The following IL32 variants were observed in gnomAD, a reference collection of about 807,000 sequenced individuals.
IL32 encodes interleukin 32, also known as interleukin-32.
A neutral mutation model predicts 16.6 loss-of-function variants in IL32; 30 were observed. The ratio of observed to expected loss-of-function variants is 1.81; its 90% CI spans 1.35 to 2.45. The LOEUF (loss-of-function observed/expected upper bound fraction) is 2.45. Ranked by LOEUF, IL32 falls within the 30% of genes most tolerant of loss-of-function variation. The probability of loss-of-function intolerance (pLI) is 0.00; values close to 1 mark genes in which losing one functional copy is unlikely to be tolerated. For missense variants in IL32, 234 were observed against 229.8 expected (o/e 1.02, Z -0.12); for synonymous variants, 70 against 86.1 (o/e 0.81, Z 1.03).
Position 3,067,544 on chromosome 16 carries a change from C to G in IL32, c.55-10C>G. 1.2e-6 allele frequency: 2 copies of G among 1,614,088 alleles called. No homozygotes were observed. Among genetic ancestry groups the G allele is most frequent in the Non-Finnish European group, 1.7e-6 (2 of 1,180,002 alleles). On this transcript the variant is annotated splice_polypyrimidine_tract_variant and intron_variant, in intron 3 of 6. Coordinates refer to ENST00000525643, the MANE Select transcript of IL32 (RefSeq NM_001376923.1). Reference sequence around the variant, plus strand: ...CGGCCCTTTGGTGCCAACTCTGCCTCTCTTCACAGCACCAGGCCATAGAAA... The same window carrying G: ...CGGCCCTTTGGTGCCAACTCTGCCTGTCTTCACAGCACCAGGCCATAGAAA...
In IL32 at chr16:3,065,792, T is replaced by C; in HGVS notation, c.-20T>C. 6.2e-7 allele frequency: 1 copy of C among 1,614,144 alleles called. No homozygotes were observed. Among genetic ancestry groups the C allele is most frequent in the Non-Finnish European group, 8.5e-7 (1 of 1,180,004 alleles). On this transcript the variant is annotated 5_prime_UTR_variant, in exon 2 of 7. Transcript: ENST00000525643. ...CTGTTCCTCGCCAGCAGGCCTTGGCTCCTTGAACTTTTGGCCGCCATGTGC... is the reference window on the plus strand; with the variant it reads ...CTGTTCCTCGCCAGCAGGCCTTGGCCCCTTGAACTTTTGGCCGCCATGTGC...
rs374074230 is a variant in IL32, at chr16:3,069,382, C to T, written c.*27C>T. On this transcript the variant is annotated 3_prime_UTR_variant, in exon 7 of 7. Transcript: ENST00000525643. ...GATACTGACACCACCTTTGCCCTCC[C>T]CGTCACCGCGCACCCACCCTGACCC... 7 of 1,561,192 alleles carry T rather than the reference C, an allele frequency of 4.5e-6. No individual in the cohort carries two copies. In the East Asian group the frequency reaches 1.1e-4, roughly 25 times the overall value.
At chr16:3,065,565 C>A (rs1335957884), upstream of IL32, 2 of 608,050 alleles carry the variant, frequency 3.3e-6, no homozygotes, top group Non-Finnish European at 5.9e-6. Flanking sequence ...CTCAGCAAGG[C>A]CTCCTGCCCT....
At chr16:3,065,977 A>T in intron 2 of IL32, 151 bp downstream of exon 2, 1 of 949,886 alleles carries the variant, frequency 1.1e-6, no homozygotes, top group South Asian at 1.3e-5. Context: ...TGAGAGTGTC[A>T]GTGGAGGCGC....
intron 2 of IL32, among the ~76,000 whole-genome samples, chr16:3,066,253 G>T (rs1397051873): frequency 1.3e-5 from 2 of 152,106 alleles, no homozygotes; most frequent in Admixed American, 6.5e-5. Flanking sequence ...CACCGCAAAT[G>T]CTAGGCCCAC....
Position 3,068,177 on chromosome 16 carries a change from C to T in IL32, c.142-3C>T, listed in dbSNP as rs1273706565. 1.9e-6 allele frequency: 3 copies of T among 1,603,928 alleles called. No homozygotes were observed. Among genetic ancestry groups the T allele is most frequent in the African/African-American group, 1.3e-5 (1 of 74,708 alleles). ...TGAACCCCCTGTGCCCTCCTCTCCC[C>T]AGGACGACTTCAAAGAGGGCTACCT... On this transcript the variant is annotated splice_polypyrimidine_tract_variant and splice_region_variant and intron_variant, in intron 5 of 6. Coordinates refer to ENST00000525643, the MANE Select transcript of IL32 (RefSeq NM_001376923.1).
At position 3,069,245 on chromosome 16, in the gene IL32, T is replaced by G. The variant is rs776480395; in HGVS notation, c.457T>G (p.Cys153Gly). The G allele has an allele frequency of 1.2e-6, 2 of 1,614,260 alleles. No individual in the cohort carries two copies. The highest frequency in any genetic ancestry group is 1.7e-6 in the Non-Finnish European group (2 of 1,180,054). Reference sequence around the variant, plus strand: ...CTGGAAACAGTTCCAGAGTTTCTGCTGCTCTCTGTCAGAGCTCTTCATGTC... The same window carrying G: ...CTGGAAACAGTTCCAGAGTTTCTGCGGCTCTCTGTCAGAGCTCTTCATGTC... Reference protein sequence around the residue: ...ALWKQFQSFCCSLSELFMSSF... With the variant: ...ALWKQFQSFCGSLSELFMSSF... The change falls in exon 7 of 7, where the codon TGC becomes GGC. Residue 153 changes from cysteine to glycine, a missense_variant. Physicochemically the swap from Cys to Gly is radical, Grantham distance 159 (BLOSUM62 -3). Coordinates refer to ENST00000525643, the MANE Select transcript of IL32 (RefSeq NM_001376923.1).
Position 3,067,276 on chromosome 16 carries a change from TG to T in IL32, c.16-100del, listed in dbSNP as rs1185146945. On this transcript the variant is annotated intron_variant, in intron 2 of 6. Transcript: ENST00000525643. Reference sequence around the variant, plus strand: ...TGTACCTCTGCCATGTGTCTCTGTGTGTGTGTGTGTGTGTGTGTGTGTGTGT... The same window carrying T: ...TGTACCTCTGCCATGTGTCTCTGTGTTGTGTGTGTGTGTGTGTGTGTGTGT... The T allele has an allele frequency of 2.6e-4, 69 of 262,200 alleles. No individual in the cohort carries two copies. In the East Asian group the frequency reaches 3.5e-3, roughly 13 times the overall value. 16.2% of individuals were successfully genotyped at this position (262,200 alleles called of 1,614,324 possible). A position where few individuals can be genotyped will look rare whatever the true frequency, so the allele number is the denominator to read the frequency against.
At chr16:3,068,375 G>A (rs1453836359) in intron 6 of IL32, 136 bp downstream of exon 6, 4 of 778,664 alleles carry the variant, frequency 5.1e-6, no homozygotes, top group Non-Finnish European at 8.4e-6. Context: ...GCATGATCTT[G>A]GCTCACTGCA....
At chr16:3,067,874 G>GA in intron 4 of IL32, 110 bp from the exon 5 acceptor site, 1 of 1,329,058 alleles carries the variant, frequency 7.5e-7, no homozygotes, top group Non-Finnish European at 1.1e-6. Context: ...GCCCCTGGCT[G>GA]GGCCCAGTTC....
chr16:3,069,527 T>G lies in IL32; in HGVS notation c.*172T>G. 5 of 787,858 alleles carry G rather than the reference T, an allele frequency of 6.3e-6. No homozygotes were observed. The highest frequency in any genetic ancestry group is 7.9e-6 in the Non-Finnish European group (4 of 508,276). 48.8% of individuals were successfully genotyped at this position (787,858 alleles called of 1,614,324 possible). ...GCATCTTAATAAAACCTGCTTATAC[T>G]TCCCTGGCAGGGGAGATACCATGAT... On this transcript the variant is annotated 3_prime_UTR_variant, in exon 7 of 7. Transcript: ENST00000525643.
chr16:3,066,324 T>C (rs11861531), intron 2 of IL32, among the ~76,000 whole-genome samples: 94,753 of 152,080 alleles, frequency 0.62, 30,548 homozygotes, highest in East Asian at 0.77. Context: ...GTGGCCTGGC[T>C]CAGGTTCAGG....
chr16:3,066,012 C>T (rs1047093359), intron 2 of IL32, among the ~76,000 whole-genome samples, 186 bp downstream of exon 2: 5 of 152,100 alleles, frequency 3.3e-5, no homozygotes, highest in African/African-American at 1.2e-4. Context: ...GTCGGGGGCG[C>T]TGGAGAACGG....
Position 3,068,814 on chromosome 16 carries a change from C to T in IL32, c.202-176C>T, listed in dbSNP as rs112015105. 557 of 1,006,584 alleles carry T rather than the reference C, an allele frequency of 5.5e-4. 5 individuals carry two copies. In the African/African-American group the frequency reaches 7.9e-3, roughly 14 times the overall value. The allele number at this position is 1,006,584 out of a possible 1,614,324, so 62.4% of individuals were successfully genotyped here. A position where few individuals can be genotyped will look rare whatever the true frequency, so the allele number is the denominator to read the frequency against. Reference sequence around the variant, plus strand: ...CCTGTCACTGCCATGGAGGTGAATGCAGAGGAGGGGGACTCTGGGAAAAGT... The same window carrying T: ...CCTGTCACTGCCATGGAGGTGAATGTAGAGGAGGGGGACTCTGGGAAAAGT... On this transcript the variant is annotated intron_variant, in intron 6 of 6. Coordinates refer to ENST00000525643, the MANE Select transcript of IL32 (RefSeq NM_001376923.1).
Position 3,067,343 on chromosome 16 carries a change from A to G in IL32, c.16-34A>G, listed in dbSNP as rs573179124. 27 of 1,285,330 alleles carry G rather than the reference A, an allele frequency of 2.1e-5. 1 individual carries two copies. The highest frequency in any genetic ancestry group is 2.8e-5 in the Non-Finnish European group (26 of 919,716). 79.6% of individuals were successfully genotyped at this position (1,285,330 alleles called of 1,614,324 possible). On this transcript the variant is annotated intron_variant, in intron 2 of 6. Transcript: ENST00000525643. ...ATCCTGGAGGAAAGGTTAAGGTGAC[A>G]CATGGAGACTGAGTGTCACCGTTAT...
At chr16:3,067,678 G>T in intron 4 of IL32, 65 bp downstream of exon 4, 1 of 1,230,246 alleles carries the variant, frequency 8.1e-7, no homozygotes, top group African/African-American at 1.5e-5. Flanking sequence ...CACCCTGTGT[G>T]GGGCTCAGGG....
At chr16:3,068,135 G>T (rs543196166) in intron 5 of IL32, 45 bp from the exon 6 acceptor site, 2 of 1,603,920 alleles carry the variant, frequency 1.2e-6, no homozygotes, top group East Asian at 4.5e-5. Context: ...GTGGGAAGGG[G>T]GCAGGCAGGA....
intron 4 of IL32, 42 bp downstream of exon 4, chr16:3,067,655 C>A: frequency 1.4e-6 from 2 of 1,402,136 alleles, no homozygotes; most frequent in South Asian, 2.3e-5. Context: ...CATGTCCCCG[C>A]CCCCAGGCAC....
intron 6 of IL32, chr16:3,068,717 C>T (rs573675555): frequency 3.9e-6 from 2 of 513,356 alleles, no homozygotes; most frequent in South Asian, 4.2e-5. Context: ...CATGGCCTCA[C>T]TCCTCACACA....
Sources: allele counts gnomAD v4.1 joint callset (sites outside exome capture counted in the v4.1 genomes callset), GRCh38; gene constraint gnomAD v4.1.1; transcripts MANE v1.5; gene names NCBI Gene and HGNC (gene_info 2026-07-23, HGNC 2026-07-21).